The following CLEC4A variants were observed in gnomAD, a reference collection of about 807,000 sequenced individuals.
The protein encoded by CLEC4A is C-type lectin domain family 4 member A, also known as C-type (calcium dependent, carbohydrate-recognition domain) lectin, superfamily member 6.
CLEC4A carries 27 observed loss-of-function variants against 32.7 expected under a neutral mutation model. The ratio of observed to expected loss-of-function variants is 0.83; its 90% confidence interval spans 0.61 to 1.14. The LOEUF (loss-of-function observed/expected upper bound fraction) is 1.14, where lower values mean the gene tolerates loss of function less well. Ranked by LOEUF, CLEC4A falls within the 50% of genes most tolerant of loss-of-function variation. The pLI, the probability that CLEC4A is intolerant of heterozygous loss-of-function variation, is 0.00. For missense variants in CLEC4A, 253 were observed against 274.6 expected (o/e 0.92, Z 0.55); for synonymous variants, 89 against 93.7 (o/e 0.95, Z 0.29).
intron 3 of CLEC4A, 26 bp downstream of exon 3, chr12:8,129,388 AGT>A: frequency 7.1e-7 from 1 of 1,417,888 alleles, no homozygotes; most frequent in Non-Finnish European, 1.0e-6. Flanking sequence ...CCTAGAATTC[AGT>A]TGCTGAATGT....
At chr12:8,105,444 G>A in the CLEC4A span, among the ~76,000 whole-genome samples, 1 of 151,806 alleles carries the variant, frequency 6.6e-6, no homozygotes, top group East Asian at 1.9e-4. Context: ...CCACCTCCCA[G>A]GTTCAAGCAA....
the CLEC4A span, among the ~76,000 whole-genome samples, chr12:8,116,221 C>G: frequency 7.9e-5 from 12 of 152,110 alleles, no homozygotes; most frequent in Non-Finnish European, 1.6e-4. Context: ...CTCGGCCTCC[C>G]AGAGTGCTAG....
At chr12:8,110,136 A>G in the CLEC4A span, among the ~76,000 whole-genome samples, 1 of 152,086 alleles carries the variant, frequency 6.6e-6, no homozygotes, top group African/African-American at 2.4e-5. Flanking sequence ...GTATTTTTTG[A>G]GCACCGATCA....
chr12:8,133,706 C>T, intron 3 of CLEC4A: 7 of 1,578,340 alleles, frequency 4.4e-6, no homozygotes, highest in Non-Finnish European at 8.6e-7. Flanking sequence ...CTGGCACAAA[C>T]TCCAGGTGCT....
intron 3 of CLEC4A, chr12:8,133,792 G>A (rs1221618805): frequency 1.9e-6 from 3 of 1,582,956 alleles, no homozygotes; most frequent in Admixed American, 3.7e-5. Context: ...GCATGGGAGA[G>A]CCCAGAGTGG....
intron 3 of CLEC4A, chr12:8,133,794 C>G (rs1322559985): frequency 6.3e-7 from 1 of 1,583,290 alleles, no homozygotes; most frequent in Non-Finnish European, 8.6e-7. Flanking sequence ...ATGGGAGAGC[C>G]CAGAGTGGTG....
At position 8,136,702 on chromosome 12, in the gene CLEC4A, CT is replaced by C; in HGVS notation, c.451-82del. 8 of 780,000 alleles carry C rather than the reference CT, an allele frequency of 1.0e-5. 1 individual carries two copies. The South Asian group carries it at 1.3e-4, about 12-fold the overall frequency. The allele number at this position is 780,000 out of a possible 1,614,324, so 48.3% of individuals were successfully genotyped here. ...AATGCAGCTGTTGCTGGATCCTCTCCTTTTCTTCTTGTTTCTCTAAGGTATT... is the reference window on the plus strand; with the variant it reads ...AATGCAGCTGTTGCTGGATCCTCTCCTTTCTTCTTGTTTCTCTAAGGTATT... On this transcript the variant is annotated intron_variant, in intron 4 of 5. Coordinates refer to ENST00000229332, the MANE Select transcript of CLEC4A (RefSeq NM_016184.4).
At chr12:8,134,553 C>G (rs1948058785) in intron 3 of CLEC4A, 4 of 1,613,656 alleles carry the variant, frequency 2.5e-6, no homozygotes, top group Non-Finnish European at 3.4e-6. Flanking sequence ...CACCCCGACT[C>G]CTGCTTCGCC....
chr12:8,135,343 G>A (rs369441210), intron 3 of CLEC4A, among the ~76,000 whole-genome samples: 7 of 151,798 alleles, frequency 4.6e-5, no homozygotes, highest in African/African-American at 1.7e-4. Flanking sequence ...ACATGTTTTC[G>A]TAATAGCTGG....
At chr12:8,125,490 AGAG>A in intron 1 of CLEC4A, 68 bp from the exon 2 acceptor site, 1 of 811,260 alleles carries the variant, frequency 1.2e-6, no homozygotes, top group East Asian at 2.4e-5. Context: ...AGAGAGAGAA[AGAG>A]GAGGAGGAAG....
the CLEC4A span, among the ~76,000 whole-genome samples, chr12:8,115,719 A>G: frequency 4.1e-4 from 63 of 152,260 alleles, no homozygotes; most frequent in African/African-American, 1.3e-3. Context: ...CAATTTGATG[A>G]TGATTTTTTT....
At chr12:8,110,613 T>C in the CLEC4A span, among the ~76,000 whole-genome samples, 1 of 152,204 alleles carries the variant, frequency 6.6e-6, no homozygotes, top group African/African-American at 2.4e-5. Flanking sequence ...CACTGCACAG[T>C]GTATAACGGG....
chr12:8,112,484 T>C, the CLEC4A span, among the ~76,000 whole-genome samples: 2 of 152,234 alleles, frequency 1.3e-5, no homozygotes, highest in African/African-American at 2.4e-5. Flanking sequence ...TTGTCAACAG[T>C]TTATTTTTAA....
chr12:8,108,573 A>G, the CLEC4A span, among the ~76,000 whole-genome samples: 1 of 152,102 alleles, frequency 6.6e-6, no homozygotes, highest in African/African-American at 2.4e-5. Context: ...GGAGAATTTT[A>G]TTTACTTGTG....
chr12:8,111,968 T>C, the CLEC4A span, among the ~76,000 whole-genome samples: 30 of 146,244 alleles, frequency 2.1e-4, no homozygotes, highest in Non-Finnish European at 4.2e-4. Flanking sequence ...TGTGTGTATT[T>C]TATTTATTTA....
At chr12:8,126,483 G>A (rs111717561) in intron 2 of CLEC4A, among the ~76,000 whole-genome samples, 5,549 of 150,624 alleles carry the variant, frequency 0.037, 353 homozygotes, top group African/African-American at 0.13. Flanking sequence ...GCCTCCTAAC[G>A]TGCTGGGATT....
chr12:8,135,502 T>C (rs10840746), intron 3 of CLEC4A, 83 bp from the exon 4 acceptor site: 1,300,007 of 1,439,956 alleles, frequency 0.9, 587,631 homozygotes, highest in East Asian at 0.97. Context: ...ATGTGCTCTC[T>C]CTTGGCTCTT....
rs371195353 is a variant in CLEC4A, at chr12:8,127,420, A to G, written c.199+1743A>G. ...CCAGATCCAGGCGGTGGAGAAATAGACCACATTTCTTGATTGAAGAAGCTG... is the reference window on the plus strand; with the variant it reads ...CCAGATCCAGGCGGTGGAGAAATAGGCCACATTTCTTGATTGAAGAAGCTG... On this transcript the variant is annotated intron_variant, in intron 2 of 5. Coordinates refer to ENST00000229332, the MANE Select transcript of CLEC4A (RefSeq NM_016184.4). 3.3e-5 allele frequency among the ~76,000 whole-genome samples: 5 copies of G among 152,210 alleles called. No individual in the cohort carries two copies. In the East Asian group the frequency reaches 5.8e-4, roughly 18 times the overall value.
At chr12:8,133,395 T>G (rs1948035179) in intron 3 of CLEC4A, among the ~76,000 whole-genome samples, 1 of 152,182 alleles carries the variant, frequency 6.6e-6, no homozygotes, top group African/African-American at 2.4e-5. Context: ...CATTTTCTGT[T>G]GTTTTGTCTT....
Sources: gnomAD v4.1 joint callset for allele counts (sites outside exome capture counted in the v4.1 genomes callset) on GRCh38, gnomAD v4.1.1 for gene constraint, MANE v1.5 for transcripts, NCBI Gene and HGNC (gene_info 2026-07-23, HGNC 2026-07-21) for gene names.